DLGAP1: variants seen among roughly 807,000 people sequenced by gnomAD.
DLGAP1 encodes disks large-associated protein 1.
Under a neutral mutation model 90.8 loss-of-function variants are expected in DLGAP1, and 11 were observed. The observed-to-expected ratio is 0.12, with a 90% CI of 0.08 to 0.20. DLGAP1 has a LOEUF of 0.20. DLGAP1 is among the 10% of genes least tolerant of loss of function. The pLI is 1.00. For synonymous variants in DLGAP1, 558 were observed against 540.7 expected, an observed-to-expected ratio of 1.03 and a Z score of -0.44; for missense variants, 1,050 against 1,333.8, an observed-to-expected ratio of 0.79 and a Z score of 3.31.
At chr18:4,119,004 A>G (rs1300443459) in intron 2 of DLGAP1, among the ~76,000 whole-genome samples, 1 of 152,090 alleles carries the variant, frequency 6.6e-6, no homozygotes, top group Non-Finnish European at 1.5e-5. Context: ...AACGACTCCT[A>G]CCTTTGGGTA....
chr18:4,296,841 G>A (rs546561972), intron 1 of DLGAP1, among the ~76,000 whole-genome samples: 12 of 152,326 alleles, frequency 7.9e-5, no homozygotes, highest in African/African-American at 2.9e-4. Context: ...GGTGGCATCT[G>A]ACCAAGCAGC....
chr18:4,160,489 T>A (rs2076826316), intron 1 of DLGAP1, among the ~76,000 whole-genome samples: 1 of 152,230 alleles, frequency 6.6e-6, no homozygotes, highest in Non-Finnish European at 1.5e-5. Flanking sequence ...GTAAAGCATA[T>A]TATTAATGCA....
intron 1 of DLGAP1, among the ~76,000 whole-genome samples, chr18:4,366,664 C>G (rs2081775695): frequency 6.6e-6 from 1 of 151,550 alleles, no homozygotes; most frequent in Non-Finnish European, 1.5e-5. Context: ...GACACTTCTA[C>G]AGATAAATCA....
intron 7 of DLGAP1, among the ~76,000 whole-genome samples, chr18:3,604,723 T>C (rs1030705500): frequency 6.6e-6 from 1 of 152,210 alleles, no homozygotes; most frequent in Non-Finnish European, 1.5e-5. Context: ...TCTTCTGGAG[T>C]ATCACAGCAA....
chr18:4,082,125 G>A (rs572529217), intron 2 of DLGAP1, among the ~76,000 whole-genome samples: 1 of 152,144 alleles, frequency 6.6e-6, no homozygotes, highest in Admixed American at 6.5e-5. Flanking sequence ...TGGATTGCCT[G>A]AGCTCAGGAG....
chr18:3,578,590 C>T (rs2055296359), intron 8 of DLGAP1, among the ~76,000 whole-genome samples: 7 of 151,726 alleles, frequency 4.6e-5, no homozygotes, highest in Admixed American at 4.6e-4. Flanking sequence ...CTCTTGACCT[C>T]GTGATCTGCC....
intron 7 of DLGAP1, among the ~76,000 whole-genome samples, chr18:3,717,776 T>C (rs1290648932): frequency 1.3e-5 from 2 of 152,232 alleles, no homozygotes. Context: ...AAATTCTATG[T>C]ACAAGAACTA....
chr18:3,851,114 G>A (rs746111669), intron 4 of DLGAP1, among the ~76,000 whole-genome samples: 1 of 152,126 alleles, frequency 6.6e-6, no homozygotes, highest in Non-Finnish European at 1.5e-5. Flanking sequence ...TTAATACTGT[G>A]GTAGGTAAGT....
intron 1 of DLGAP1, among the ~76,000 whole-genome samples, chr18:4,274,941 A>G (rs1003410476): frequency 6.6e-6 from 1 of 152,188 alleles, no homozygotes; most frequent in African/African-American, 2.4e-5. Context: ...AATTGGTAAG[A>G]TGCTACTAAA....
At chr18:3,654,333 C>T (rs996065376) in intron 7 of DLGAP1, among the ~76,000 whole-genome samples, 1 of 152,194 alleles carries the variant, frequency 6.6e-6, no homozygotes, top group East Asian at 1.9e-4. Flanking sequence ...CTGGAGAAAA[C>T]AAAACCCTGT....
chr18:4,265,220 G>C (rs958789232), intron 1 of DLGAP1, among the ~76,000 whole-genome samples: 3 of 148,670 alleles, frequency 2.0e-5, no homozygotes, highest in African/African-American at 7.5e-5. Context: ...CCAGGCTGGA[G>C]TGCAGTGGCA....
chr18:3,669,356 A>T (rs2059997967), intron 7 of DLGAP1, among the ~76,000 whole-genome samples: 1 of 152,118 alleles, frequency 6.6e-6, no homozygotes, highest in South Asian at 2.1e-4. Flanking sequence ...AGGCGAGGAC[A>T]GGCACTCCTG....
At chr18:4,372,957 G>A (rs72864513) in intron 1 of DLGAP1, among the ~76,000 whole-genome samples, 87 of 151,928 alleles carry the variant, frequency 5.7e-4, no homozygotes, top group Non-Finnish European at 9.9e-4. Context: ...AAAAGAAAAG[G>A]TACAGATCAA....
intron 4 of DLGAP1, among the ~76,000 whole-genome samples, chr18:3,856,381 A>T (rs554314681): frequency 6.6e-6 from 1 of 152,312 alleles, no homozygotes; most frequent in South Asian, 2.1e-4. Flanking sequence ...GTTGAATGCA[A>T]GACACTGAGG....
chr18:3,779,309 C>G (rs1207749840), intron 5 of DLGAP1, among the ~76,000 whole-genome samples: 1 of 152,146 alleles, frequency 6.6e-6, no homozygotes, highest in Non-Finnish European at 1.5e-5. Context: ...CTCCTGAGCT[C>G]AAGTGATCCT....
intron 10 of DLGAP1, among the ~76,000 whole-genome samples, chr18:3,532,335 T>A (rs981668262): frequency 1.3e-5 from 2 of 151,926 alleles, no homozygotes; most frequent in Non-Finnish European, 2.9e-5. Flanking sequence ...ATCCCAGCAC[T>A]TTGGGAGGCC....
intron 7 of DLGAP1, among the ~76,000 whole-genome samples, chr18:3,643,248 GAAGA>G (rs150209926): frequency 0.018 from 2,722 of 151,326 alleles, 71 homozygotes; most frequent in African/African-American, 0.063. Flanking sequence ...AAGAAAGAAA[GAAGA>G]AAGAAGAAAG....
At chr18:4,289,236 G>A (rs1349893859) in intron 1 of DLGAP1, among the ~76,000 whole-genome samples, 1 of 152,094 alleles carries the variant, frequency 6.6e-6, no homozygotes, top group African/African-American at 2.4e-5. Flanking sequence ...TGTTTGTCTA[G>A]GGTGGAAGGG....
chr18:4,171,431 G>A (rs1331812689), intron 1 of DLGAP1, among the ~76,000 whole-genome samples: 2 of 151,984 alleles, frequency 1.3e-5, no homozygotes, highest in East Asian at 1.9e-4. Flanking sequence ...CAGGCGAGGT[G>A]GCAGGCGCCT....
Sources: gnomAD v4.1 joint callset for allele counts (sites outside exome capture counted in the v4.1 genomes callset) on GRCh38, gnomAD v4.1.1 for gene constraint, MANE v1.5 for transcripts, NCBI Gene and HGNC (gene_info 2026-07-23, HGNC 2026-07-21) for gene names.